PCDHGB4: variants seen among roughly 807,000 people sequenced by gnomAD.
PCDHGB4 encodes the protein protocadherin gamma subfamily B, 4.
PCDHGB4 carries 38 observed loss-of-function variants against 60.5 expected under a neutral mutation model. That is an observed-to-expected ratio of 0.63 (90% CI 0.48 to 0.82). PCDHGB4 has a LOEUF of 0.82. Among genes scored for constraint, PCDHGB4 ranks in the 40% least tolerant of loss-of-function variants. The probability of loss-of-function intolerance (pLI) is 0.00; values close to 1 mark genes in which losing one functional copy is unlikely to be tolerated. For synonymous variants in PCDHGB4, 456 were observed against 509.7 expected, an observed-to-expected ratio of 0.89 and a Z score of 1.42; for missense variants, 1,109 against 1,209.6, an observed-to-expected ratio of 0.92 and a Z score of 1.23.
rs1255512461 is a variant in PCDHGB4 at position 141,395,116 on chromosome 5, T to A, written c.2397+4835T>A. 1.2e-6 allele frequency: 2 copies of A among 1,614,098 alleles called. No homozygotes were observed. Among genetic ancestry groups the A allele is most frequent in the African/African-American group, 1.3e-5 (1 of 74,932 alleles). Reference sequence around the variant, plus strand: ...ACCGCCGACTCGCGGAAGAGTCACCTGATCTTTCCCCAGCCCAACTACGCA... The same window carrying A: ...ACCGCCGACTCGCGGAAGAGTCACCAGATCTTTCCCCAGCCCAACTACGCA... On this transcript the variant is annotated intron_variant, in intron 1 of 3. Coordinates refer to ENST00000519479, the MANE Select transcript of PCDHGB4 (RefSeq NM_003736.4).
Position 141,491,815 on chromosome 5 carries a change from C to T in PCDHGB4, c.2398-2992C>T. The T allele has an allele frequency of 6.7e-7, 1 of 1,485,264 alleles. No individual in the cohort carries two copies. Among genetic ancestry groups the T allele is most frequent in the African/African-American group, 1.4e-5 (1 of 70,622 alleles). The allele number at this position is 1,485,264 out of a possible 1,614,324, so 92.0% of individuals were successfully genotyped here. ...CCTCTCCGGCCGGCTTGGTCGCTGGCTGCGCTCCACCCGATTCTCGGGATC... is the reference window on the plus strand; with the variant it reads ...CCTCTCCGGCCGGCTTGGTCGCTGGTTGCGCTCCACCCGATTCTCGGGATC... On this transcript the variant is annotated intron_variant, in intron 1 of 3. Coordinates refer to ENST00000519479, the MANE Select transcript of PCDHGB4 (RefSeq NM_003736.4). This position sits in a 1 kb window ranked among gnomAD's most constrained non-coding sequence, Gnocchi z 6.9.
chr5:141,491,232 G>C lies in PCDHGB4; in HGVS notation c.2398-3575G>C. The C allele has an allele frequency of 6.2e-7, 1 of 1,614,220 alleles. No individual in the cohort carries two copies. Among genetic ancestry groups the C allele is most frequent in the Non-Finnish European group, 8.5e-7 (1 of 1,180,034 alleles). On this transcript the variant is annotated intron_variant, in intron 1 of 3. Coordinates refer to ENST00000519479, the MANE Select transcript of PCDHGB4 (RefSeq NM_003736.4). The surrounding 1 kb of genome is among the most constrained non-coding windows in gnomAD (Gnocchi z 6.9). ...TCTCCTCCACAGCCACAGTGCTGCT[G>C]GTTCTGGAGGATGAGGACCCTGAGG... is the stretch of plus-strand genomic sequence containing the variant.
At chr5:141,390,854 T>G (rs1366490028) in intron 1 of PCDHGB4, 1 of 157,616 alleles carries the variant, frequency 6.3e-6, no homozygotes, top group Non-Finnish European at 1.4e-5. Context: ...ATATGCAGTG[T>G]ACGCTGTGTG....
chr5:141,450,899 A>C (rs1045595271), intron 1 of PCDHGB4, among the ~76,000 whole-genome samples: 1 of 149,514 alleles, frequency 6.7e-6, no homozygotes, highest in Non-Finnish European at 1.5e-5. Context: ...ATATCGGCTC[A>C]CTGCAACCGC....
chr5:141,396,811 A>G (rs999771105), intron 1 of PCDHGB4, among the ~76,000 whole-genome samples: 1 of 152,226 alleles, frequency 6.6e-6, no homozygotes, highest in Non-Finnish European at 1.5e-5. Flanking sequence ...GTAGTGTTCT[A>G]CTGTATGGTG....
chr5:141,431,681 G>A lies in PCDHGB4; in HGVS notation c.2397+41400G>A. The A allele has an allele frequency of 6.2e-7, 1 of 1,614,214 alleles. No homozygotes were observed. The highest frequency in any genetic ancestry group is 1.1e-5 in the South Asian group (1 of 91,086). ...GACAATATCAACAATAGGGGAGTTG[G>A]ACCACGAGGAGTCAGGATTCTACCA... On this transcript the variant is annotated intron_variant, in intron 1 of 3. Coordinates refer to ENST00000519479, the MANE Select transcript of PCDHGB4 (RefSeq NM_003736.4). This position sits in a 1 kb window ranked among gnomAD's most constrained non-coding sequence, Gnocchi z 4.8.
chr5:141,409,861 A>C, intron 1 of PCDHGB4: 1 of 1,612,406 alleles, frequency 6.2e-7, no homozygotes, highest in Non-Finnish European at 8.5e-7. Context: ...TGTTGGTGGG[A>C]GACCGCAATG....
In PCDHGB4 at chr5:141,489,180, C is replaced by T. The variant is rs942218118; in HGVS notation, c.2398-5627C>T. 7.9e-7 allele frequency: 1 copy of T among 1,259,748 alleles called. No homozygotes were observed. The highest frequency in any genetic ancestry group is 2.0e-4 in the Middle Eastern group (1 of 5,096). The allele number at this position is 1,259,748 out of a possible 1,614,324, so 78.0% of individuals were successfully genotyped here. A position where few individuals can be genotyped will look rare whatever the true frequency, so the allele number is the denominator to read the frequency against. On this transcript the variant is annotated intron_variant, in intron 1 of 3. Coordinates refer to ENST00000519479, the MANE Select transcript of PCDHGB4 (RefSeq NM_003736.4). This position sits in a 1 kb window ranked among gnomAD's most constrained non-coding sequence, Gnocchi z 4.5. ...GACTTCAGCTGCTGCATTCCAAGCCCTGGGTCTACCTTGGAGACAGGACAG... is the reference window on the plus strand; with the variant it reads ...GACTTCAGCTGCTGCATTCCAAGCCTTGGGTCTACCTTGGAGACAGGACAG...
chr5:141,427,428 T>A (rs1489623330), intron 1 of PCDHGB4: 1 of 470,472 alleles, frequency 2.1e-6, no homozygotes. Context: ...GGAGGTTACA[T>A]GCCTCATAAA....
chr5:141,387,732 C>G lies in PCDHGB4; in HGVS notation c.-153C>G, dbSNP rs940812767. 1 of 1,279,212 alleles carries G rather than the reference C, an allele frequency of 7.8e-7. No individual in the cohort carries two copies. Among genetic ancestry groups the G allele is most frequent in the South Asian group, 1.6e-5 (1 of 64,006 alleles). The allele number at this position is 1,279,212 out of a possible 1,614,324, so 79.2% of individuals were successfully genotyped here. ...CCAGCTCAGACTCCCCAGCGCCAGC[C>G]TTTACACCGCTTCCTCCTCGGAAAA... On this transcript the variant is annotated 5_prime_UTR_variant, in exon 1 of 4. Transcript: ENST00000519479.
chr5:141,466,766 T>G (rs1309395984), intron 1 of PCDHGB4, among the ~76,000 whole-genome samples: 2 of 152,194 alleles, frequency 1.3e-5, no homozygotes, highest in Non-Finnish European at 2.9e-5. Context: ...TTTCAAACTG[T>G]TATCTTATTC....
intron 1 of PCDHGB4, chr5:141,409,876 C>A: frequency 6.2e-7 from 1 of 1,612,874 alleles, no homozygotes. Flanking sequence ...GCAATGACAA[C>A]GCACCGCGGG....
At chr5:141,403,119 C>T in intron 1 of PCDHGB4, 1 of 1,614,060 alleles carries the variant, frequency 6.2e-7, no homozygotes, top group Non-Finnish European at 8.5e-7. Flanking sequence ...GCTCTGGAGC[C>T]CCGGGAGCTG....
At chr5:141,430,641 T>C (rs1332550435) in intron 1 of PCDHGB4, 2 of 902,672 alleles carry the variant, frequency 2.2e-6, no homozygotes, top group East Asian at 5.4e-5. Flanking sequence ...TCCCTGGGAG[T>C]ATGTGGAAAC....
chr5:141,397,200 G>A (rs2093487150), intron 1 of PCDHGB4, among the ~76,000 whole-genome samples: 1 of 152,154 alleles, frequency 6.6e-6, no homozygotes, highest in Non-Finnish European at 1.5e-5. Context: ...TAAAAGATAT[G>A]ACATAAGAGA....
chr5:141,501,314 C>G, intron 2 of PCDHGB4, among the ~76,000 whole-genome samples: 1 of 151,728 alleles, frequency 6.6e-6, no homozygotes, highest in Non-Finnish European at 1.5e-5. Flanking sequence ...CACACACACA[C>G]ACACACACAC....
rs992592523 is a variant in PCDHGB4 at position 141,432,710 on chromosome 5, C to T, written c.2397+42429C>T. ...CGTAGTGGCCGTCCAGGACCACGGC[C>T]AGCCCCCTCTCTCCGCCACTGTCAC... On this transcript the variant is annotated intron_variant, in intron 1 of 3. Coordinates refer to ENST00000519479, the MANE Select transcript of PCDHGB4 (RefSeq NM_003736.4). This position sits in a 1 kb window ranked among gnomAD's most constrained non-coding sequence, Gnocchi z 6.0. The T allele has an allele frequency of 6.2e-7, 1 of 1,613,884 alleles. No homozygotes were observed.
At chr5:141,469,249 C>T (rs1025813940) in intron 1 of PCDHGB4, among the ~76,000 whole-genome samples, 1 of 152,026 alleles carries the variant, frequency 6.6e-6, no homozygotes, top group Non-Finnish European at 1.5e-5. Flanking sequence ...TGCACTCCAG[C>T]TTGGGCAACA....
chr5:141,410,685 A>G, intron 1 of PCDHGB4: 1 of 1,528,540 alleles, frequency 6.5e-7, no homozygotes, highest in Non-Finnish European at 8.7e-7. Flanking sequence ...TTTTAGGCAT[A>G]CTACTTTATT....
Sources: allele counts gnomAD v4.1 joint callset (sites outside exome capture counted in the v4.1 genomes callset), GRCh38; gene constraint gnomAD v4.1.1; non-coding constraint Gnocchi (gnomAD v3.1); transcripts MANE v1.5; gene names NCBI Gene and HGNC (gene_info 2026-07-23, HGNC 2026-07-21).